Variants in AIFM1 observed in about 807,000 individuals in gnomAD.
AIFM1 encodes apoptosis-inducing factor 1, mitochondrial.
AIFM1 carries 3 observed loss-of-function variants against 51.7 expected under a neutral mutation model. The observed-to-expected ratio is 0.06, with a 90% CI of 0.03 to 0.15. The LOEUF (loss-of-function observed/expected upper bound fraction) is 0.15, where lower values mean the gene tolerates loss of function less well. AIFM1 is among the 10% of genes least tolerant of loss of function. AIFM1 has a pLI of 1.00. For synonymous variants in AIFM1, 178 were observed against 179.4 expected (o/e 0.99, Z 0.06); for missense variants, 330 against 476.8 (o/e 0.69, Z 2.87).
At chrX:130,159,407 G>A (rs1434196975) in intron 1 of AIFM1, among the ~76,000 whole-genome samples, 5 of 111,882 alleles carry the variant, frequency 4.5e-5, no homozygotes, top group African/African-American at 1.6e-4. Flanking sequence ...AAACGTGAGC[G>A]GGGCAGAAAC....
In AIFM1 at chrX:130,156,536, A is replaced by T. The variant is rs1295812149; in HGVS notation, c.174T>A (p.Gly58=). The part of the protein sequence containing the change: ...LQMTRQMASS[G]ASGGKIDNSV... ...AATTATCGATTTTGCCCCCTGATGCACCAGAGCTAGCCATTTGTCTTGTCA... is the reference window on the plus strand; with the variant it reads ...AATTATCGATTTTGCCCCCTGATGCTCCAGAGCTAGCCATTTGTCTTGTCA... Residue 58 remains glycine, a synonymous_variant, in exon 2 of 16, where the codon GGT becomes GGA. Transcript: ENST00000287295. 2 of 1,211,825 alleles carry T rather than the reference A, an allele frequency of 1.7e-6. No individual in the cohort carries two copies. Among genetic ancestry groups the T allele is most frequent in the Admixed American group, 4.3e-5 (2 of 46,032 alleles).
intron 14 of AIFM1, among the ~76,000 whole-genome samples, chrX:130,131,304 A>G (rs1048673492): frequency 8.9e-6 from 1 of 112,388 alleles, no homozygotes; most frequent in Non-Finnish European, 1.9e-5. Context: ...CTGAAGCAAA[A>G]TAATAAAAAT....
chrX:130,153,986 CTT>C (rs1348662761), intron 2 of AIFM1, among the ~76,000 whole-genome samples: 1 of 112,413 alleles, frequency 8.9e-6, no homozygotes, highest in Non-Finnish European at 1.9e-5. Flanking sequence ...TCATAGTTCT[CTT>C]GAGACTAATA....
rs1253107739 is a variant in AIFM1 at position 130,160,714 on chromosome X, G to A, written c.107-4111C>T. Among the ~76,000 whole-genome samples, 25 of 110,758 alleles carry A rather than the reference G, an allele frequency of 2.3e-4. 1 individual carries two copies. The Admixed American group carries it at 2.3e-3, about 10-fold the overall frequency. ...ACTACAGGCATGCACCATCGTGCCCGGATAACTGAACATTTTAAATAATTC... is the reference window on the plus strand; with the variant it reads ...ACTACAGGCATGCACCATCGTGCCCAGATAACTGAACATTTTAAATAATTC... On this transcript the variant is annotated intron_variant, in intron 1 of 15. Transcript: ENST00000287295.
intron 13 of AIFM1, among the ~76,000 whole-genome samples, chrX:130,132,658 C>G (rs1017072504): frequency 8.9e-6 from 1 of 112,764 alleles, no homozygotes; most frequent in African/African-American, 3.2e-5. Flanking sequence ...CGGCCTTGGC[C>G]TCCCAAAGTG....
chrX:130,160,883 A>AAAAT (rs754564979), intron 1 of AIFM1, among the ~76,000 whole-genome samples: 5,905 of 107,012 alleles, frequency 0.055, 172 homozygotes, highest in African/African-American at 0.058. Context: ...TCTCTACTTA[A>AAAAT]AAATAAATAA....
intron 4 of AIFM1, 58 bp downstream of exon 4, chrX:130,147,694 T>C (rs2030806345): frequency 1.7e-6 from 2 of 1,210,160 alleles, no homozygotes; most frequent in African/African-American, 3.5e-5. Flanking sequence ...AGCATTCACA[T>C]TAGCTAAATG....
chrX:130,137,853 G>C (rs1432549950), intron 9 of AIFM1: 17 of 600,889 alleles, frequency 2.8e-5, no homozygotes, highest in Non-Finnish European at 3.5e-5. Context: ...ACCTGAGGTT[G>C]GGAGTTCAAG....
intron 8 of AIFM1, among the ~76,000 whole-genome samples, chrX:130,139,021 C>G (rs1470307351): frequency 9.0e-6 from 1 of 111,284 alleles, no homozygotes; most frequent in Non-Finnish European, 1.9e-5. Flanking sequence ...ATGCTGCTAA[C>G]ATACTACAAT....
intron 2 of AIFM1, among the ~76,000 whole-genome samples, chrX:130,155,540 G>GACAA (rs2031135750): frequency 8.9e-6 from 1 of 112,142 alleles, no homozygotes; most frequent in Non-Finnish European, 1.9e-5. Flanking sequence ...TGTCCGTTTG[G>GACAA]GAGTCACATC....
At chrX:130,159,984 G>C (rs2031296567) in intron 1 of AIFM1, among the ~76,000 whole-genome samples, 1 of 109,718 alleles carries the variant, frequency 9.1e-6, no homozygotes, top group African/African-American at 3.3e-5. Flanking sequence ...CCAACGCCCA[G>C]CTAATTTTTC....
At chrX:130,149,900 A>ATT (rs2030900045) in intron 2 of AIFM1, among the ~76,000 whole-genome samples, 1 of 112,367 alleles carries the variant, frequency 8.9e-6, no homozygotes, top group South Asian at 3.6e-4. Flanking sequence ...AGTGCTAGAA[A>ATT]GGGCTAATCT....
chrX:130,165,604 G>A lies in AIFM1; in HGVS notation c.53C>T (p.Pro18Leu), dbSNP rs2031505968. The A allele has an allele frequency of 2.5e-6, 3 of 1,202,362 alleles. No homozygotes were observed. The highest frequency in any genetic ancestry group is 1.7e-5 in the African/African-American group (1 of 57,244). ...TCGGACGCACACGGTCCGCACCAAG[G>A]GCACCAGCTTCTGCTTCAAAGCACC... ...AAGALKQKLV[P>L]LVRTVCVRSP... The change falls in exon 1 of 16, where the codon CCC (proline) becomes CTC (leucine). Residue 18 changes from proline to leucine, a missense_variant. Pro to Leu is a moderately conservative substitution (Grantham distance 98). Transcript: ENST00000287295.
chrX:130,133,187 G>A, intron 13 of AIFM1, 126 bp downstream of exon 13: 9 of 893,121 alleles, frequency 1.0e-5, no homozygotes, highest in Non-Finnish European at 1.5e-5. Context: ...GTGGACATAA[G>A]ATGGACTTTT....
rs1326934809 is a variant in AIFM1 at position 130,134,248 on chromosome X, GA to G, written c.1306-794del. 1.5e-3 allele frequency among the ~76,000 whole-genome samples: 164 copies of G among 107,000 alleles called. 2 individuals carry two copies. The highest frequency in any genetic ancestry group is 5.1e-3 in the African/African-American group (151 of 29,534). 92.9% of individuals were successfully genotyped at this position (107,000 alleles called of 115,157 possible). A position where few individuals can be genotyped will look rare whatever the true frequency, so the allele number is the denominator to read the frequency against. ...CGAGACACCGCCTCAAAAAAAAAAA[GA>G]AAAAAAAATCTATTCTGCTTCCATA... is the stretch of plus-strand genomic sequence containing the variant. On this transcript the variant is annotated intron_variant, in intron 12 of 15. Coordinates refer to ENST00000287295, the MANE Select transcript of AIFM1 (RefSeq NM_004208.4).
intron 2 of AIFM1, among the ~76,000 whole-genome samples, chrX:130,155,655 A>C (rs1460994917): frequency 1.8e-5 from 2 of 112,059 alleles, no homozygotes; most frequent in Non-Finnish European, 3.8e-5. Context: ...TGTAGAAAAA[A>C]ACCCCTAAAC....
intron 5 of AIFM1, 95 bp from the exon 6 acceptor site, chrX:130,145,664 T>C: frequency 1.4e-6 from 1 of 693,177 alleles, no homozygotes; most frequent in Non-Finnish European, 2.2e-6. Flanking sequence ...TATCAGAAAC[T>C]TTAAGGGACG....
intron 6 of AIFM1, among the ~76,000 whole-genome samples, chrX:130,142,543 A>C (rs995866322): frequency 1.8e-5 from 2 of 111,494 alleles, no homozygotes; most frequent in African/African-American, 6.5e-5. Context: ...CTTTGATTCT[A>C]TGTCCTCTTC....
rs2031516601 is a variant in AIFM1 at position 130,165,824 on chromosome X, G to A, written c.-168C>T. 1 of 515,457 alleles carries A rather than the reference G, an allele frequency of 1.9e-6. No homozygotes were observed. Among genetic ancestry groups the A allele is most frequent in the Admixed American group, 2.7e-5 (1 of 36,810 alleles). The allele number at this position is 515,457 out of a possible 1,213,427, so 42.5% of individuals were successfully genotyped here. A position where few individuals can be genotyped will look rare whatever the true frequency, so the allele number is the denominator to read the frequency against. Reference sequence around the variant, plus strand: ...ATTGGACAGAGAAGCCGGCCTGCTAGAGCCGGGGAAGGGGAACGGCGACCG... The same window carrying A: ...ATTGGACAGAGAAGCCGGCCTGCTAAAGCCGGGGAAGGGGAACGGCGACCG... On this transcript the variant is annotated 5_prime_UTR_variant, in exon 1 of 16. Coordinates refer to ENST00000287295, the MANE Select transcript of AIFM1 (RefSeq NM_004208.4).
Sources: gnomAD v4.1 joint callset for allele counts (sites outside exome capture counted in the v4.1 genomes callset) on GRCh38, gnomAD v4.1.1 for gene constraint, MANE v1.5 for transcripts, NCBI Gene and HGNC (gene_info 2026-07-23, HGNC 2026-07-21) for gene names.